GRIK2: variants seen among roughly 807,000 people sequenced by gnomAD.
The protein encoded by GRIK2 is glutamate ionotropic receptor kainate type subunit 2, also known as glutamate receptor ionotropic, kainate 2.
In GRIK2, 32 loss-of-function variants were observed where a neutral mutation model predicts 100.3. The observed-to-expected ratio is 0.32, with a 90% CI of 0.24 to 0.43. The LOEUF (loss-of-function observed/expected upper bound fraction) is 0.43, where lower values mean the gene tolerates loss of function less well. GRIK2 is among the 20% of genes least tolerant of loss of function. GRIK2 has a pLI of 1.00. For missense variants in GRIK2, 843 were observed against 1,114.9 expected (o/e 0.76, Z 3.47); for synonymous variants, 417 against 389.4 (o/e 1.07, Z -0.83).
chr6:101,870,650 A>G (rs953031077), intron 11 of GRIK2, among the ~76,000 whole-genome samples: 3 of 151,810 alleles, frequency 2.0e-5, no homozygotes, highest in East Asian at 1.9e-4. Context: ...AAGGAGTGCA[A>G]TTAACTTTAC....
At chr6:101,561,014 C>T (rs1401121911) in intron 2 of GRIK2, among the ~76,000 whole-genome samples, 1 of 152,162 alleles carries the variant, frequency 6.6e-6, no homozygotes, top group Non-Finnish European at 1.5e-5. Flanking sequence ...TTGAGGACCT[C>T]AGCTATGGGC....
At chr6:101,940,017 G>A (rs1790862449) in intron 14 of GRIK2, among the ~76,000 whole-genome samples, 1 of 152,084 alleles carries the variant, frequency 6.6e-6, no homozygotes, top group South Asian at 2.1e-4. Context: ...TGAAGGAAGT[G>A]TTGATTGTGA....
At chr6:101,593,936 A>G (rs1180094778) in intron 2 of GRIK2, among the ~76,000 whole-genome samples, 3 of 151,884 alleles carry the variant, frequency 2.0e-5, no homozygotes, top group African/African-American at 7.2e-5. Context: ...AAATGTACAT[A>G]TATCCAGGGA....
chr6:101,964,462 A>T (rs1056152522), intron 14 of GRIK2, among the ~76,000 whole-genome samples: 9 of 152,164 alleles, frequency 5.9e-5, no homozygotes, highest in Non-Finnish European at 1.0e-4. Flanking sequence ...TTGGGAAATG[A>T]AGGAGAACTA....
chr6:101,403,423 G>A (rs1348706753), intron 2 of GRIK2, among the ~76,000 whole-genome samples: 1 of 152,126 alleles, frequency 6.6e-6, no homozygotes, highest in African/African-American at 2.4e-5. Context: ...GGTCTCTTTG[G>A]CACTGCACAC....
chr6:101,925,026 C>T (rs756662665), intron 13 of GRIK2, among the ~76,000 whole-genome samples: 6 of 152,114 alleles, frequency 3.9e-5, no homozygotes, highest in Non-Finnish European at 7.4e-5. Context: ...TGCATTTAAA[C>T]TACTACAAAG....
chr6:101,960,429 A>AAACATAAAAAC (rs1336568470), intron 14 of GRIK2, among the ~76,000 whole-genome samples: 1 of 151,964 alleles, frequency 6.6e-6, no homozygotes, highest in Non-Finnish European at 1.5e-5. Context: ...CATAGTTTTT[A>AAACATAAAAAC]TGTTAGTTCC....
At chr6:101,694,430 G>A (rs1250986977) in intron 7 of GRIK2, among the ~76,000 whole-genome samples, 4 of 151,860 alleles carry the variant, frequency 2.6e-5, no homozygotes, top group Admixed American at 6.6e-5. Context: ...GTTTTTTCAC[G>A]CTAATTAATT....
At chr6:102,005,183 C>T (rs1451915182) in intron 14 of GRIK2, among the ~76,000 whole-genome samples, 2 of 150,740 alleles carry the variant, frequency 1.3e-5, no homozygotes, top group Admixed American at 6.6e-5. Context: ...TACACAATTC[C>T]CTCTAAGATA....
At chr6:101,970,175 A>G (rs1004629614) in intron 14 of GRIK2, among the ~76,000 whole-genome samples, 1 of 151,566 alleles carries the variant, frequency 6.6e-6, no homozygotes. Context: ...AAACCAATCA[A>G]TCAAATCTAA....
intron 10 of GRIK2, among the ~76,000 whole-genome samples, chr6:101,857,650 CAG>C (rs1346380731): frequency 6.6e-6 from 1 of 152,192 alleles, no homozygotes; most frequent in Non-Finnish European, 1.5e-5. Context: ...TCTAAGATAA[CAG>C]GGGCTTTGCC....
intron 12 of GRIK2, among the ~76,000 whole-genome samples, chr6:101,904,303 T>C (rs1284660368): frequency 6.6e-6 from 1 of 151,492 alleles, no homozygotes; most frequent in Non-Finnish European, 1.5e-5. Context: ...CATAAGATCG[T>C]GTCACATCTA....
intron 14 of GRIK2, among the ~76,000 whole-genome samples, chr6:101,932,074 CT>C (rs548982112): frequency 6.6e-6 from 1 of 151,852 alleles, no homozygotes; most frequent in Non-Finnish European, 1.5e-5. Flanking sequence ...GGTGTTATGG[CT>C]TTTTTTGAGA....
chr6:101,914,847 T>C (rs183135868), intron 12 of GRIK2, among the ~76,000 whole-genome samples: 1 of 151,748 alleles, frequency 6.6e-6, no homozygotes, highest in East Asian at 1.9e-4. Flanking sequence ...TAAACTGATA[T>C]ATTATTTCTT....
At chr6:101,804,560 G>T (rs1023609651) in intron 9 of GRIK2, among the ~76,000 whole-genome samples, 1 of 151,974 alleles carries the variant, frequency 6.6e-6, no homozygotes, top group Non-Finnish European at 1.5e-5. Flanking sequence ...AAAGCATTTG[G>T]ACTATGTTTT....
chr6:101,893,859 C>G (rs905456016), intron 12 of GRIK2, among the ~76,000 whole-genome samples: 4 of 151,636 alleles, frequency 2.6e-5, no homozygotes, highest in Non-Finnish European at 5.9e-5. Flanking sequence ...ACAATCAGTG[C>G]ATATATCTGG....
At chr6:101,508,092 TA>T (rs1334355063) in intron 2 of GRIK2, among the ~76,000 whole-genome samples, 16 of 111,270 alleles carry the variant, frequency 1.4e-4, no homozygotes, top group African/African-American at 5.1e-4. Flanking sequence ...TGATTATTAT[TA>T]TTTTTTTTTT....
chr6:102,053,663 TA>T (rs1434902126), intron 15 of GRIK2, among the ~76,000 whole-genome samples: 2 of 152,134 alleles, frequency 1.3e-5, no homozygotes, highest in African/African-American at 4.8e-5. Context: ...CAGAAACATA[TA>T]AAAATAATGA....
chr6:101,524,971 G>A (rs573596382), intron 2 of GRIK2, among the ~76,000 whole-genome samples: 49 of 152,140 alleles, frequency 3.2e-4, no homozygotes, highest in African/African-American at 9.9e-4. Context: ...GACTTCAGGC[G>A]ATCTACCCAC....
Sources: gnomAD v4.1 joint callset for allele counts (sites outside exome capture counted in the v4.1 genomes callset) on GRCh38, gnomAD v4.1.1 for gene constraint, MANE v1.5 for transcripts, NCBI Gene and HGNC (gene_info 2026-07-23, HGNC 2026-07-21) for gene names.